The following SPATS2 variants were observed in gnomAD, a reference collection of about 807,000 sequenced individuals.
The protein encoded by SPATS2 is spermatogenesis associated serine rich 2.
Under a neutral mutation model 63.7 loss-of-function variants are expected in SPATS2, and 38 were observed. The observed-to-expected ratio is 0.60, with a 90% confidence interval of 0.46 to 0.78. The LOEUF (loss-of-function observed/expected upper bound fraction) is 0.78, where lower values mean the gene tolerates loss of function less well. Ranked by LOEUF, SPATS2 falls within the 30% of genes least tolerant of loss-of-function variation. SPATS2 has a pLI of 0.00. For synonymous variants in SPATS2, 207 were observed against 232.9 expected, an observed-to-expected ratio of 0.89 and a Z score of 1.01; for missense variants, 588 against 666.2, an observed-to-expected ratio of 0.88 and a Z score of 1.29.
At chr12:49,473,570 T>C (rs1393376785) in intron 3 of SPATS2, among the ~76,000 whole-genome samples, 1 of 152,230 alleles carries the variant, frequency 6.6e-6, no homozygotes, top group East Asian at 1.9e-4. Context: ...CAGAAGTGCA[T>C]TCCTAGGTAC....
chr12:49,406,640 G>A (rs1471806297), intron 2 of SPATS2: 4 of 152,020 alleles, frequency 2.6e-5, no homozygotes, highest in East Asian at 3.8e-4. Context: ...TTTGTCAGCG[G>A]TCAGTGATAG....
At chr12:49,515,202 GA>G (rs1273169680) in intron 10 of SPATS2, among the ~76,000 whole-genome samples, 1 of 152,142 alleles carries the variant, frequency 6.6e-6, no homozygotes, top group Non-Finnish European at 1.5e-5. Context: ...GTTTTGTACA[GA>G]AAAAACAGAT....
intron 2 of SPATS2, among the ~76,000 whole-genome samples, chr12:49,440,057 T>C (rs1412871359): frequency 6.6e-6 from 1 of 152,242 alleles, no homozygotes; most frequent in African/African-American, 2.4e-5. Flanking sequence ...AAGAACTCTC[T>C]GATATGCTTT....
chr12:49,426,008 A>G (rs1945068798), intron 2 of SPATS2, among the ~76,000 whole-genome samples: 1 of 152,232 alleles, frequency 6.6e-6, no homozygotes, highest in Admixed American at 6.5e-5. Flanking sequence ...GAGAACAACA[A>G]ATAGATTAGA....
intron 2 of SPATS2, among the ~76,000 whole-genome samples, chr12:49,382,003 CTG>C (rs1444560224): frequency 6.6e-6 from 1 of 152,164 alleles, no homozygotes; most frequent in Non-Finnish European, 1.5e-5. Flanking sequence ...GCAATGGAAA[CTG>C]TATGCATTCA....
intron 2 of SPATS2, among the ~76,000 whole-genome samples, chr12:49,421,016 AAAG>A (rs1480113271): frequency 6.6e-6 from 1 of 152,220 alleles, no homozygotes; most frequent in Admixed American, 6.5e-5. Context: ...CAAAAGGAAA[AAAG>A]AATGCTTGAA....
At chr12:49,425,215 A>C (rs759396051) in intron 2 of SPATS2, among the ~76,000 whole-genome samples, 4 of 152,086 alleles carry the variant, frequency 2.6e-5, no homozygotes, top group Non-Finnish European at 5.9e-5. Flanking sequence ...CAACTTGTAT[A>C]TGTGTCTCAC....
At chr12:49,431,996 A>G (rs1479335422) in intron 2 of SPATS2, among the ~76,000 whole-genome samples, 2 of 152,124 alleles carry the variant, frequency 1.3e-5, no homozygotes, top group Admixed American at 1.3e-4. Context: ...CTTGTCAAAA[A>G]AAACAAATTG....
At chr12:49,435,374 G>C (rs757414874) in intron 2 of SPATS2, among the ~76,000 whole-genome samples, 1 of 149,902 alleles carries the variant, frequency 6.7e-6, no homozygotes, top group Non-Finnish European at 1.5e-5. Flanking sequence ...GCCCGGGCCA[G>C]AGTGCCATGG....
intron 2 of SPATS2, among the ~76,000 whole-genome samples, chr12:49,373,355 C>T (rs1277885525): frequency 2.6e-5 from 4 of 152,176 alleles, no homozygotes; most frequent in Non-Finnish European, 4.4e-5. Flanking sequence ...GACATAGTTA[C>T]TTCAGGCTCA....
At chr12:49,424,738 G>A (rs1417347100) in intron 2 of SPATS2, among the ~76,000 whole-genome samples, 3 of 152,080 alleles carry the variant, frequency 2.0e-5, no homozygotes, top group Non-Finnish European at 2.9e-5. Context: ...GTGAAGTGGC[G>A]AGATCTTGGC....
At chr12:49,478,646 C>T (rs1044636541) in intron 3 of SPATS2, among the ~76,000 whole-genome samples, 2 of 152,136 alleles carry the variant, frequency 1.3e-5, no homozygotes, top group Admixed American at 1.3e-4. Context: ...AAGTTGATAC[C>T]ATTAGAGAAA....
intron 3 of SPATS2, among the ~76,000 whole-genome samples, chr12:49,469,065 CTGAG>C (rs1348968009): frequency 2.6e-5 from 4 of 151,702 alleles, no homozygotes; most frequent in Non-Finnish European, 5.9e-5. Flanking sequence ...TGAAACTAGC[CTGAG>C]TAACACAGTG....
chr12:49,481,886 C>G lies in SPATS2; in HGVS notation c.26-2704C>G, dbSNP rs537739723. Reference sequence around the variant, plus strand: ...ATGTGTTTCTGATAGAATACATGCTCTCTTATCACAGCTAAATATTAATAA... The same window carrying G: ...ATGTGTTTCTGATAGAATACATGCTGTCTTATCACAGCTAAATATTAATAA... On this transcript the variant is annotated intron_variant, in intron 3 of 13. Coordinates refer to ENST00000552918, the MANE Select transcript of SPATS2 (RefSeq NM_023071.4). Among the ~76,000 whole-genome samples the G allele has an allele frequency of 9.0e-4, 137 of 152,070 alleles. 1 individual carries two copies. The highest frequency in any genetic ancestry group is 1.7e-3 in the Non-Finnish European group (118 of 68,028).
At position 49,514,566 on chromosome 12, in the gene SPATS2, G is replaced by A. The variant is rs188803433; in HGVS notation, c.851G>A (p.Arg284Gln). ...TCATCTTTTCCTAGTTTAATGGATC[G>A]AGAAGTGGCGTTGCTTGCTGAAATG... ...FAELESCLMDREVALLAEMDK... is the reference protein window; with the variant it reads ...FAELESCLMDQEVALLAEMDK... The change falls in exon 10 of 14, where the codon CGA (arginine) becomes CAA (glutamine). Residue 284 changes from arginine (R) to glutamine (Q), a missense_variant. By Grantham distance (43) the Arg-to-Gln change is conservative (BLOSUM62 1). Transcript: ENST00000552918. 2.4e-5 allele frequency: 38 copies of A among 1,613,120 alleles called. No homozygotes were observed. The Admixed American group carries it at 5.8e-4, about 25-fold the overall frequency.
At chr12:49,521,584 G>A (rs990857478) in intron 11 of SPATS2, among the ~76,000 whole-genome samples, 1 of 152,238 alleles carries the variant, frequency 6.6e-6, no homozygotes, top group Admixed American at 6.5e-5. Flanking sequence ...CCACGTGGCT[G>A]AAAAGCTGCT....
chr12:49,387,832 C>T (rs1944346721), intron 2 of SPATS2, among the ~76,000 whole-genome samples: 1 of 151,990 alleles, frequency 6.6e-6, no homozygotes. Context: ...AGATCCCCTG[C>T]TGACACATCT....
intron 3 of SPATS2, chr12:49,461,317 A>G: frequency 2.9e-6 from 1 of 343,282 alleles, no homozygotes; most frequent in South Asian, 4.9e-5. Context: ...TAAGAGGGCT[A>G]GCTTGCTGCA....
intron 2 of SPATS2, among the ~76,000 whole-genome samples, chr12:49,409,429 C>T (rs1944756112): frequency 6.6e-6 from 1 of 151,830 alleles, no homozygotes; most frequent in African/African-American, 2.4e-5. Flanking sequence ...CTTCAGCCTC[C>T]CGAGTAGTTG....
Sources: gnomAD v4.1 joint callset for allele counts (sites outside exome capture counted in the v4.1 genomes callset) on GRCh38, gnomAD v4.1.1 for gene constraint, MANE v1.5 for transcripts, NCBI Gene and HGNC (gene_info 2026-07-23, HGNC 2026-07-21) for gene names.